ASAH2: variants seen among roughly 807,000 people sequenced by gnomAD.
ASAH2 encodes neutral ceramidase.
A neutral mutation model predicts 82.9 loss-of-function variants in ASAH2; 58 were observed. That is an observed-to-expected ratio of 0.70 (90% CI 0.57 to 0.87). ASAH2 has a LOEUF of 0.87. Ranked by LOEUF, ASAH2 falls within the 40% of genes least tolerant of loss-of-function variation. The pLI is 0.00. For missense variants in ASAH2, 779 were observed against 834.0 expected, an observed-to-expected ratio of 0.93 and a Z score of 0.81; for synonymous variants, 276 against 289.7, an observed-to-expected ratio of 0.95 and a Z score of 0.48.
chr10:50,235,103 C>A (rs1248526498), intron 5 of ASAH2, among the ~76,000 whole-genome samples: 1 of 152,108 alleles, frequency 6.6e-6, no homozygotes. Flanking sequence ...TACACTATAT[C>A]TTACAATCTA....
intron 2 of ASAH2, among the ~76,000 whole-genome samples, chr10:50,247,028 C>T (rs552182574): frequency 6.6e-6 from 1 of 152,306 alleles, no homozygotes; most frequent in South Asian, 2.1e-4. Flanking sequence ...CACTATAGTG[C>T]TCAACATAGA....
At chr10:50,228,900 A>G (rs1005673876) in intron 7 of ASAH2, among the ~76,000 whole-genome samples, 10 of 152,120 alleles carry the variant, frequency 6.6e-5, no homozygotes, top group African/African-American at 2.4e-4. Flanking sequence ...AAGGAAGAAA[A>G]CTTGGCGGAA....
intron 10 of ASAH2, 25 bp downstream of exon 10, chr10:50,212,947 T>G: frequency 6.2e-7 from 1 of 1,600,878 alleles, no homozygotes; most frequent in Non-Finnish European, 8.6e-7. Flanking sequence ...AAACAAAGAT[T>G]AAAGGAGCGA....
intron 8 of ASAH2, among the ~76,000 whole-genome samples, chr10:50,217,628 G>T (rs1162058357): frequency 1.3e-5 from 2 of 152,148 alleles, no homozygotes; most frequent in African/African-American, 4.8e-5. Context: ...GAGTTGTTCA[G>T]TCTTGAACTT....
intron 17 of ASAH2, 62 bp downstream of exon 17, chr10:50,198,989 C>CAT (rs1845065271): frequency 2.0e-6 from 3 of 1,485,296 alleles, no homozygotes; most frequent in South Asian, 2.3e-5. Context: ...CACATACAGA[C>CAT]ATACACACAC....
chr10:50,243,594 T>A (rs1317332834), intron 3 of ASAH2, among the ~76,000 whole-genome samples: 1 of 152,086 alleles, frequency 6.6e-6, no homozygotes, highest in Non-Finnish European at 1.5e-5. Context: ...AAAGAATCGA[T>A]CAGGTTGGCA....
chr10:50,199,233 T>A (rs1455273282), intron 16 of ASAH2, 87 bp from the exon 17 acceptor site: 1 of 1,291,938 alleles, frequency 7.7e-7, no homozygotes, highest in Non-Finnish European at 1.1e-6. Flanking sequence ...AGTGTGATGC[T>A]TGACATCTCA....
chr10:50,218,159 C>T (rs1479853199), intron 8 of ASAH2, among the ~76,000 whole-genome samples: 5 of 152,036 alleles, frequency 3.3e-5, no homozygotes, highest in Non-Finnish European at 7.4e-5. Flanking sequence ...GTGCTTAATC[C>T]TTGTATAGCT....
rs1477096447 is a variant in ASAH2, at chr10:50,240,582, A to T, written c.510+2620T>A. 3 of 702,100 alleles carry T rather than the reference A, an allele frequency of 4.3e-6. No individual in the cohort carries two copies. The Admixed American group carries it at 6.0e-5, about 14-fold the overall frequency. 43.5% of individuals were successfully genotyped at this position (702,100 alleles called of 1,614,324 possible). A position where few individuals can be genotyped will look rare whatever the true frequency, so the allele number is the denominator to read the frequency against. Reference sequence around the variant, plus strand: ...AGAATTAAAAACAAGCTGGCATCTCAAGGCCCTCTGCAATTATGATAAACA... The same window carrying T: ...AGAATTAAAAACAAGCTGGCATCTCTAGGCCCTCTGCAATTATGATAAACA... On this transcript the variant is annotated intron_variant, in intron 4 of 20. Coordinates refer to ENST00000682911, the MANE Select transcript of ASAH2 (RefSeq NM_019893.4).
At chr10:50,198,046 T>C (rs1401349194) in intron 17 of ASAH2, among the ~76,000 whole-genome samples, 1 of 149,768 alleles carries the variant, frequency 6.7e-6, no homozygotes, top group Non-Finnish European at 1.5e-5. Flanking sequence ...AGAAATTATA[T>C]AAAATACTGA....
rs1344358537 is a variant in ASAH2 at position 50,205,979 on chromosome 10, T to C, written c.1530+3A>G. The C allele has an allele frequency of 1.9e-5, 30 of 1,604,306 alleles. No homozygotes were observed. Among genetic ancestry groups the C allele is most frequent in the Non-Finnish European group, 2.5e-5 (29 of 1,171,540 alleles). On this transcript the variant is annotated splice_donor_region_variant and intron_variant, in intron 13 of 20. Transcript: ENST00000682911. ...TTTCACTATGATAACGAAAATGCAT[T>C]ACTTCTCCGGTGTGAAGAAGGATGG...
chr10:50,229,734 T>A (rs1306587571), intron 7 of ASAH2, among the ~76,000 whole-genome samples: 1 of 152,184 alleles, frequency 6.6e-6, no homozygotes, highest in Non-Finnish European at 1.5e-5. Context: ...TTGTGTTAAA[T>A]GTTCTTTTCC....
At chr10:50,203,783 C>T in intron 14 of ASAH2, 104 bp from the exon 15 acceptor site, 1 of 943,716 alleles carries the variant, frequency 1.1e-6, no homozygotes, top group Non-Finnish European at 1.7e-6. Flanking sequence ...GCTCATCACA[C>T]AATAGTAAAA....
chr10:50,232,106 T>C (rs1846034739), intron 7 of ASAH2, among the ~76,000 whole-genome samples: 2 of 152,170 alleles, frequency 1.3e-5, no homozygotes, highest in South Asian at 2.1e-4. Flanking sequence ...TACCATGTTG[T>C]TCTCCACCTA....
chr10:50,198,990 A>G (rs1434380149), intron 17 of ASAH2, 61 bp downstream of exon 17: 2 of 1,525,546 alleles, frequency 1.3e-6, no homozygotes, highest in South Asian at 1.1e-5. Context: ...ACATACAGAC[A>G]TACACACACA....
chr10:50,200,706 A>G (rs1845124149), intron 16 of ASAH2, among the ~76,000 whole-genome samples: 1 of 152,050 alleles, frequency 6.6e-6, no homozygotes, highest in South Asian at 2.1e-4. Flanking sequence ...TTTCATCATT[A>G]TGCCCCAGAA....
intron 16 of ASAH2, among the ~76,000 whole-genome samples, chr10:50,201,428 T>G (rs2133199685): frequency 6.6e-6 from 1 of 152,176 alleles, no homozygotes; most frequent in Non-Finnish European, 1.5e-5. Flanking sequence ...AGGGACCACA[T>G]GGAATTTGCT....
At chr10:50,197,565 G>A (rs1343141160) in intron 17 of ASAH2, among the ~76,000 whole-genome samples, 1 of 151,792 alleles carries the variant, frequency 6.6e-6, no homozygotes, top group Admixed American at 6.6e-5. Flanking sequence ...AATATTTAAC[G>A]CTCTTTATTC....
intron 12 of ASAH2, 71 bp from the exon 13 acceptor site, chr10:50,206,168 T>C (rs2133203122): frequency 3.8e-6 from 4 of 1,046,130 alleles, no homozygotes; most frequent in South Asian, 1.3e-5. Flanking sequence ...TCTTGACAAA[T>C]ATTGTACAAT....
Sources: gnomAD v4.1 joint callset for allele counts (sites outside exome capture counted in the v4.1 genomes callset) on GRCh38, gnomAD v4.1.1 for gene constraint, MANE v1.5 for transcripts, NCBI Gene and HGNC (gene_info 2026-07-23, HGNC 2026-07-21) for gene names.